The following ZNF655 variants were observed in gnomAD, a reference collection of about 807,000 sequenced individuals.
ZNF655 encodes Vav-interacting Kruppel-like protein 1.
A neutral mutation model predicts 6.6 loss-of-function variants in ZNF655; 3 were observed. The observed-to-expected ratio is 0.46, with a 90% CI of 0.21 to 1.18. The LOEUF (loss-of-function observed/expected upper bound fraction) is 1.18, where lower values mean the gene tolerates loss of function less well. Among genes scored for constraint, ZNF655 ranks in the 50% most tolerant of loss-of-function variants. The pLI is 0.24. For synonymous variants in ZNF655, 178 were observed against 195.0 expected (o/e 0.91, Z 0.73); for missense variants, 526 against 572.3 (o/e 0.92, Z 0.83).
rs563747917 is a variant in ZNF655, at chr7:99,567,296, G to A, written c.137-4949G>A. ...CACATGTAATCCCAGCACTTTGGGAGGCCAAGGCAGGCGGATCACCTGAGG... is the reference window on the plus strand; with the variant it reads ...CACATGTAATCCCAGCACTTTGGGAAGCCAAGGCAGGCGGATCACCTGAGG... On this transcript the variant is annotated intron_variant, in intron 2 of 2. Transcript: ENST00000252713. Among the ~76,000 whole-genome samples, 7 of 152,328 alleles carry A rather than the reference G, an allele frequency of 4.6e-5. No individual in the cohort carries two copies. In the East Asian group the frequency reaches 1.4e-3, roughly 29 times the overall value.
intron 2 of ZNF655, chr7:99,560,974 C>G: frequency 7.3e-6 from 2 of 275,346 alleles, no homozygotes; most frequent in Non-Finnish European, 1.4e-5. Context: ...GTTCTCACAT[C>G]CAGAATAATT....
At position 99,567,165 on chromosome 7, in the gene ZNF655, A is replaced by G. The variant is rs563944880; in HGVS notation, c.137-5080A>G. On this transcript the variant is annotated intron_variant, in intron 2 of 2. Transcript: ENST00000252713. ...GAACTCTTGGCCTCATGTGTTCCAC[A>G]TCCAGCCTTAAAATCAAAAGGTTTT... is the stretch of plus-strand genomic sequence containing the variant. Among the ~76,000 whole-genome samples, 33 of 152,312 alleles carry G rather than the reference A, an allele frequency of 2.2e-4. No homozygotes were observed. In the Middle Eastern group the frequency reaches 0.01, roughly 47 times the overall value.
intron 2 of ZNF655, chr7:99,562,408 G>A (rs1352547656): frequency 3.7e-6 from 6 of 1,614,134 alleles, no homozygotes; most frequent in South Asian, 1.1e-5. Context: ...CACCTTACTC[G>A]AGAGGAATGG....
intron 2 of ZNF655, among the ~76,000 whole-genome samples, chr7:99,568,561 T>A (rs529899391): frequency 1.3e-5 from 2 of 152,184 alleles, no homozygotes; most frequent in East Asian, 3.9e-4. Context: ...GGGTTTGGAT[T>A]TTTATTGTAA....
At chr7:99,563,321 A>T (rs1803355492) in intron 2 of ZNF655, 1 of 195,834 alleles carries the variant, frequency 5.1e-6, no homozygotes, top group Non-Finnish European at 1.0e-5. Flanking sequence ...TATATTTTTT[A>T]TTTTATTTTA....
intron 2 of ZNF655, chr7:99,563,957 A>C (rs1367258247): frequency 6.2e-7 from 1 of 1,613,848 alleles, no homozygotes; most frequent in Non-Finnish European, 8.5e-7. Context: ...CTGGAGAAAC[A>C]CTTGCCGTCC....
At chr7:99,568,247 G>A (rs1803780010) in intron 2 of ZNF655, among the ~76,000 whole-genome samples, 1 of 149,574 alleles carries the variant, frequency 6.7e-6, no homozygotes, top group Non-Finnish European at 1.5e-5. Flanking sequence ...TTGGACTATT[G>A]TCTAGGGATT....
At chr7:99,563,653 C>T (rs74654252) in intron 2 of ZNF655, among the ~76,000 whole-genome samples, 5 of 151,630 alleles carry the variant, frequency 3.3e-5, no homozygotes, top group African/African-American at 1.2e-4. Flanking sequence ...CTTCTGCACT[C>T]TTCTTTTTGT....
chr7:99,572,527 T>C lies in ZNF655; in HGVS notation c.419T>C (p.Leu140Pro). The C allele has an allele frequency of 6.2e-7, 1 of 1,614,008 alleles. No individual in the cohort carries two copies. Among genetic ancestry groups the C allele is most frequent in the Non-Finnish European group, 8.5e-7 (1 of 1,179,960 alleles). ...ECHEPEKSFS[L>P]DSTIDADQRV... ...CATGAACCCGAAAAAAGCTTCAGTC[T>C]GGACTCTACTATTGATGCAGATCAG... The change falls in exon 3 of 3, where the codon CTG becomes CCG. Residue 140 changes from leucine to proline, a missense_variant. Coordinates refer to ENST00000252713, the MANE Select transcript of ZNF655 (RefSeq NM_138494.3).
Position 99,572,865 on chromosome 7 carries a change from T to C in ZNF655, c.757T>C (p.Ser253Pro), listed in dbSNP as rs750960756. 7 of 1,613,938 alleles carry C rather than the reference T, an allele frequency of 4.3e-6. No individual in the cohort carries two copies. Among genetic ancestry groups the C allele is most frequent in the Non-Finnish European group, 5.9e-6 (7 of 1,179,986 alleles). Residue 253 changes from serine to proline, a missense_variant, in exon 3 of 3, where the codon TCA becomes CCA. Ser to Pro is a moderately conservative substitution (Grantham distance 74). Coordinates refer to ENST00000252713, the MANE Select transcript of ZNF655 (RefSeq NM_138494.3). ...ATGTGAAAAGTCTTTCAGTCAGAGC[T>C]CAAGTCTTAGTCGACATAAAAGAAT... ...KECEKSFSQSSSLSRHKRIHT... is the reference protein window; with the variant it reads ...KECEKSFSQSPSLSRHKRIHT...
chr7:99,570,209 G>A (rs2151166205), intron 2 of ZNF655: 1 of 152,286 alleles, frequency 6.6e-6, no homozygotes, highest in South Asian at 2.1e-4. Flanking sequence ...ATATCTCAGA[G>A]TTAAAAGTTG....
rs1803406881 is a variant in ZNF655 at position 99,563,825 on chromosome 7, T to C, written c.136+3130T>C. ...GCAGGCTGCCCACTGGGACGGTTTT[T>C]AGTGTGTTTTCCATTCCTGGCTCTT... is the stretch of plus-strand genomic sequence containing the variant. On this transcript the variant is annotated intron_variant, in intron 2 of 2. Coordinates refer to ENST00000252713, the MANE Select transcript of ZNF655 (RefSeq NM_138494.3). The C allele has an allele frequency of 2.5e-6, 4 of 1,585,370 alleles. No homozygotes were observed. In the Admixed American group the frequency reaches 7.5e-5, roughly 30 times the overall value.
chr7:99,563,538 G>A (rs568065631), intron 2 of ZNF655, among the ~76,000 whole-genome samples: 6 of 152,094 alleles, frequency 3.9e-5, no homozygotes, highest in East Asian at 1.9e-4. Context: ...GGCTGATCTC[G>A]AACTCTTGAC....
intron 2 of ZNF655, chr7:99,564,253 A>G: frequency 7.5e-7 from 1 of 1,341,482 alleles, no homozygotes; most frequent in South Asian, 2.1e-5. Context: ...GTATTGTGAA[A>G]AACCAGAAAT....
chr7:99,562,395 G>A, intron 2 of ZNF655: 1 of 1,614,136 alleles, frequency 6.2e-7, no homozygotes. Flanking sequence ...GGATGTGGCT[G>A]TGCACCTTAC....
rs563688400 is a variant in ZNF655 at position 99,567,814 on chromosome 7, A to G, written c.137-4431A>G. ...CGGTGGCTCACGCCTGTAATCCAGC[A>G]CTTTGGGAGGGTGAGGTGGGCGGAT... On this transcript the variant is annotated intron_variant, in intron 2 of 2. Coordinates refer to ENST00000252713, the MANE Select transcript of ZNF655 (RefSeq NM_138494.3). 2.6e-5 allele frequency among the ~76,000 whole-genome samples: 4 copies of G among 152,114 alleles called. No individual in the cohort carries two copies. The South Asian group carries it at 6.2e-4, about 24-fold the overall frequency.
chr7:99,572,171 T>G, intron 2 of ZNF655, 74 bp from the exon 3 acceptor site: 2 of 1,454,650 alleles, frequency 1.4e-6, no homozygotes, highest in Non-Finnish European at 1.8e-6. Flanking sequence ...TGTTTAGTTT[T>G]CTCATCTGAG....
chr7:99,565,554 A>G (rs956966686), intron 2 of ZNF655, among the ~76,000 whole-genome samples: 2 of 152,226 alleles, frequency 1.3e-5, no homozygotes, highest in Admixed American at 6.5e-5. Context: ...TACAGAGTAC[A>G]AATAGCTGAG....
At chr7:99,571,724 T>G in intron 2 of ZNF655, 1 of 1,610,508 alleles carries the variant, frequency 6.2e-7, no homozygotes, top group Non-Finnish European at 8.5e-7. Flanking sequence ...ATCTCCCAGC[T>G]GGAACAGGAT....
Sources: allele counts gnomAD v4.1 joint callset (sites outside exome capture counted in the v4.1 genomes callset), GRCh38; gene constraint gnomAD v4.1.1; transcripts MANE v1.5; gene names NCBI Gene and HGNC (gene_info 2026-07-23, HGNC 2026-07-21).